Variants in ACOT13 observed in about 807,000 individuals in gnomAD.
The protein encoded by ACOT13 is acyl-coenzyme A thioesterase 13.
ACOT13 carries 10 observed loss-of-function variants against 11.8 expected under a neutral mutation model. That is an observed-to-expected ratio of 0.85 (90% CI 0.53 to 1.44). The LOEUF is 1.44. ACOT13 is among the 40% of genes most tolerant of loss of function. The pLI, the probability that ACOT13 is intolerant of heterozygous loss-of-function variation, is 0.00. For synonymous variants in ACOT13, 53 were observed against 61.0 expected (o/e 0.87, Z 0.61); for missense variants, 172 against 174.1 (o/e 0.99, Z 0.07).
chr6:24,670,681 G>C (rs1230806152), intron 1 of ACOT13, among the ~76,000 whole-genome samples: 2 of 152,204 alleles, frequency 1.3e-5, no homozygotes, highest in East Asian at 3.8e-4. Flanking sequence ...AAATCAGGTA[G>C]AGAGAAACAA....
rs1419538040 is a variant in ACOT13, at chr6:24,702,507, T to A, written c.*892T>A. 1 of 152,072 alleles carries A rather than the reference T, an allele frequency of 6.6e-6. No individual in the cohort carries two copies. The highest frequency in any genetic ancestry group is 1.5e-5 in the Non-Finnish European group (1 of 68,016). 9.4% of individuals were successfully genotyped at this position (152,072 alleles called of 1,614,324 possible). ...AGACCCCCACCTGCTAATATCACCT[T>A]GGGGGTTGGGATTTTAACATACAAA... On this transcript the variant is annotated 3_prime_UTR_variant, in exon 3 of 3. Coordinates refer to ENST00000230048, the MANE Select transcript of ACOT13 (RefSeq NM_018473.4).
At chr6:24,685,630 G>A (rs568988681) in intron 1 of ACOT13, among the ~76,000 whole-genome samples, 1 of 152,284 alleles carries the variant, frequency 6.6e-6, no homozygotes, top group African/African-American at 2.4e-5. Context: ...ACAGGCGTAA[G>A]CCACCGCGCC....
chr6:24,698,338 G>A (rs1380506829), intron 2 of ACOT13, among the ~76,000 whole-genome samples: 1 of 149,252 alleles, frequency 6.7e-6, no homozygotes, highest in East Asian at 2.5e-4. Flanking sequence ...GTATACTGAT[G>A]CAGGGGGAAA....
rs370189645 is a variant in ACOT13 at position 24,701,915 on chromosome 6, C to G, written c.*300C>G. On this transcript the variant is annotated 3_prime_UTR_variant, in exon 3 of 3. Coordinates refer to ENST00000230048, the MANE Select transcript of ACOT13 (RefSeq NM_018473.4). ...CTCAGTTAAGATTAAAACTAAAGTC[C>G]AGTGTTAAGCTAAAGGAGAAATAGA... 175 of 238,498 alleles carry G rather than the reference C, an allele frequency of 7.3e-4. 1 individual carries two copies. The South Asian group carries it at 0.016, about 21-fold the overall frequency. 14.8% of individuals were successfully genotyped at this position (238,498 alleles called of 1,614,324 possible).
intron 1 of ACOT13, among the ~76,000 whole-genome samples, chr6:24,683,468 G>A (rs961731040): frequency 3.3e-5 from 5 of 151,934 alleles, no homozygotes; most frequent in Admixed American, 1.3e-4. Flanking sequence ...ACCAAGAGGC[G>A]GAGTTTGCAG....
rs572484736 is a variant in ACOT13 at position 24,704,476 on chromosome 6, T to C, written c.*2861T>C. The C allele has an allele frequency of 6.6e-6, 1 of 152,358 alleles. No individual in the cohort carries two copies. Among genetic ancestry groups the C allele is most frequent in the South Asian group, 2.1e-4 (1 of 4,830 alleles). The allele number at this position is 152,358 out of a possible 1,614,324, so 9.4% of individuals were successfully genotyped here. A position where few individuals can be genotyped will look rare whatever the true frequency, so the allele number is the denominator to read the frequency against. ...CTGGTTTTAAATCCTCCACTACTTA[T>C]GATCTGAGCTTGAGCAAGTTACTTA... On this transcript the variant is annotated 3_prime_UTR_variant, in exon 3 of 3. Coordinates refer to ENST00000230048, the MANE Select transcript of ACOT13 (RefSeq NM_018473.4).
intron 1 of ACOT13, among the ~76,000 whole-genome samples, chr6:24,674,657 C>G (rs1180276642): frequency 1.3e-5 from 2 of 152,148 alleles, no homozygotes; most frequent in Admixed American, 6.5e-5. Flanking sequence ...CTCAAGTGAT[C>G]TGACTGCCTT....
At chr6:24,695,369 TTTAG>T (rs1778777440) in intron 1 of ACOT13, among the ~76,000 whole-genome samples, 1 of 152,122 alleles carries the variant, frequency 6.6e-6, no homozygotes, top group Non-Finnish European at 1.5e-5. Flanking sequence ...GCCGCTCGTA[TTTAG>T]TTCTATTTCT....
Position 24,681,504 on chromosome 6 carries a change from T to TA in ACOT13, c.81+14160_81+14161insA, listed in dbSNP as rs374350978. On this transcript the variant is annotated intron_variant, in intron 1 of 2. Transcript: ENST00000230048. ...AAAGGAATAGGGCACACTTTTTTTT[T>TA]TTATTCTATCTTTTTCTTTCTTTTT... Among the ~76,000 whole-genome samples the TA allele has an allele frequency of 3.1e-3, 467 of 151,352 alleles. 3 individuals carry two copies. Among genetic ancestry groups the TA allele is most frequent in the African/African-American group, 0.01 (431 of 41,200 alleles).
intron 1 of ACOT13, among the ~76,000 whole-genome samples, chr6:24,671,710 G>C (rs1276344698): frequency 6.6e-6 from 1 of 151,830 alleles, no homozygotes; most frequent in African/African-American, 2.4e-5. Flanking sequence ...TTTCTAAAGA[G>C]GACCAAAACA....
chr6:24,678,344 T>C (rs1483091442), intron 1 of ACOT13, among the ~76,000 whole-genome samples: 1 of 152,162 alleles, frequency 6.6e-6, no homozygotes, highest in Non-Finnish European at 1.5e-5. Context: ...AACAGCCTCA[T>C]TGATAATCCT....
chr6:24,694,939 T>G (rs905297217), intron 1 of ACOT13, among the ~76,000 whole-genome samples: 4 of 152,190 alleles, frequency 2.6e-5, no homozygotes, highest in African/African-American at 7.2e-5. Context: ...TTGTCTTACA[T>G]TTTGTCATCC....
In ACOT13 at chr6:24,702,559, G is replaced by C. The variant is rs1374821890; in HGVS notation, c.*944G>C. ...TTAGGGGAAACACATGGAGACCACA[G>C]CAATGGCCAATCCTTAGCGAATCTT... On this transcript the variant is annotated 3_prime_UTR_variant, in exon 3 of 3. Coordinates refer to ENST00000230048, the MANE Select transcript of ACOT13 (RefSeq NM_018473.4). The C allele has an allele frequency of 6.6e-6, 1 of 152,162 alleles. No individual in the cohort carries two copies. Among genetic ancestry groups the C allele is most frequent in the Non-Finnish European group, 1.5e-5 (1 of 68,034 alleles). The allele number at this position is 152,162 out of a possible 1,614,324, so 9.4% of individuals were successfully genotyped here. A position where few individuals can be genotyped will look rare whatever the true frequency, so the allele number is the denominator to read the frequency against.
intron 1 of ACOT13, among the ~76,000 whole-genome samples, chr6:24,677,125 G>A (rs1024532542): frequency 6.6e-6 from 1 of 152,186 alleles, no homozygotes; most frequent in African/African-American, 2.4e-5. Flanking sequence ...TTTCTGCAAA[G>A]GAACTTCCAT....
At chr6:24,699,435 C>A (rs1778857360) in intron 2 of ACOT13, among the ~76,000 whole-genome samples, 1 of 152,198 alleles carries the variant, frequency 6.6e-6, no homozygotes, top group African/African-American at 2.4e-5. Context: ...TGGTCTCGAT[C>A]TCCTCACCTT....
In ACOT13 at chr6:24,688,126, C is replaced by T. The variant is rs186366896; in HGVS notation, c.82-9757C>T. ...AACATGATACACAAATAGATATTTTCAAGTTCATTGGTCATTAAAACTGTC... is the reference window on the plus strand; with the variant it reads ...AACATGATACACAAATAGATATTTTTAAGTTCATTGGTCATTAAAACTGTC... On this transcript the variant is annotated intron_variant, in intron 1 of 2. Transcript: ENST00000230048. Among the ~76,000 whole-genome samples the T allele has an allele frequency of 2.0e-5, 3 of 152,116 alleles. No homozygotes were observed. The East Asian group carries it at 5.8e-4, about 29-fold the overall frequency.
chr6:24,672,358 T>C (rs1415517528), intron 1 of ACOT13, among the ~76,000 whole-genome samples: 2 of 152,212 alleles, frequency 1.3e-5, no homozygotes, highest in Non-Finnish European at 2.9e-5. Context: ...ATATAATTTC[T>C]AACTGGGCGT....
chr6:24,699,443 C>A (rs1425538483), intron 2 of ACOT13, among the ~76,000 whole-genome samples: 17 of 152,228 alleles, frequency 1.1e-4, no homozygotes, highest in Admixed American at 2.6e-4. Flanking sequence ...ATCTCCTCAC[C>A]TTGTGATCTG....
At chr6:24,689,722 T>C (rs1778693548) in intron 1 of ACOT13, among the ~76,000 whole-genome samples, 1 of 152,170 alleles carries the variant, frequency 6.6e-6, no homozygotes, top group African/African-American at 2.4e-5. Context: ...GTAAAATGAA[T>C]GTTTTTATTT....
Sources: allele counts gnomAD v4.1 joint callset (sites outside exome capture counted in the v4.1 genomes callset), GRCh38; gene constraint gnomAD v4.1.1; transcripts MANE v1.5; gene names NCBI Gene and HGNC (gene_info 2026-07-23, HGNC 2026-07-21).